FAT4: variants seen among roughly 807,000 people sequenced by gnomAD.
The protein encoded by FAT4 is protocadherin Fat 4.
In FAT4, 84 loss-of-function variants were observed where a neutral mutation model predicts 303.9. The ratio of observed to expected loss-of-function variants is 0.28; its 90% CI spans 0.23 to 0.33. The LOEUF (loss-of-function observed/expected upper bound fraction) is 0.33. Among genes scored for constraint, FAT4 ranks in the 10% least tolerant of loss-of-function variants. The pLI is 1.00. For missense variants in FAT4, 6,005 were observed against 6,146.8 expected, an observed-to-expected ratio of 0.98 and a Z score of 0.77; for synonymous variants, 2,307 against 2,298.8, an observed-to-expected ratio of 1.00 and a Z score of -0.10.
chr4:125,343,148 G>T (rs1172521800), intron 2 of FAT4, among the ~76,000 whole-genome samples: 1 of 151,934 alleles, frequency 6.6e-6, no homozygotes, highest in Non-Finnish European at 1.5e-5. Flanking sequence ...TTTTTATAAG[G>T]CCTCAATTTT....
At chr4:125,454,883 T>C (rs548304298) in intron 10 of FAT4, among the ~76,000 whole-genome samples, 2 of 152,152 alleles carry the variant, frequency 1.3e-5, no homozygotes, top group Admixed American at 6.6e-5. Flanking sequence ...TATTCAGTAA[T>C]TGCAGTCTAA....
chr4:125,354,750 A>G (rs1424903242), intron 2 of FAT4, among the ~76,000 whole-genome samples: 1 of 98,254 alleles, frequency 1.0e-5, no homozygotes, highest in African/African-American at 4.6e-5. Flanking sequence ...TCAGAGTTTA[A>G]TGAAAAAAAA....
At chr4:125,474,442 T>C (rs867066240) in intron 12 of FAT4, among the ~76,000 whole-genome samples, 1 of 137,532 alleles carries the variant, frequency 7.3e-6, no homozygotes, top group Non-Finnish European at 1.7e-5. Context: ...ATCATAACTA[T>C]CAAAAGAGTA....
chr4:125,321,013 C>T lies in FAT4; in HGVS notation c.4602C>T (p.Ala1534=), dbSNP rs1730917092. 6.2e-7 allele frequency: 1 copy of T among 1,614,006 alleles called. No individual in the cohort carries two copies. The highest frequency in any genetic ancestry group is 1.7e-5 in the Admixed American group (1 of 60,006). ...DNVPMFISQN[A]LAADPSAVIG... The stretch of plus-strand genomic sequence containing the variant: ...TCCCAATGTTTATATCACAAAACGC[C>T]CTTGCTGCAGACCCATCAGCTGTGA... Residue 1534 remains alanine, a synonymous_variant, in exon 2 of 18, where the codon GCC becomes GCT. Coordinates refer to ENST00000394329, the MANE Select transcript of FAT4 (RefSeq NM_001291303.3).
chr4:125,324,653 T>A (rs1160572658), intron 2 of FAT4, among the ~76,000 whole-genome samples: 1 of 152,132 alleles, frequency 6.6e-6, no homozygotes, highest in East Asian at 1.9e-4. Flanking sequence ...GAGCTTAGTG[T>A]TTAAATGGAA....
intron 2 of FAT4, among the ~76,000 whole-genome samples, chr4:125,364,464 G>A (rs758732429): frequency 4.6e-5 from 7 of 151,564 alleles, no homozygotes; most frequent in Non-Finnish European, 1.0e-4. Flanking sequence ...ATAAGCATAT[G>A]ATAAGGAGAA....
At chr4:125,482,882 C>T (rs1023913252) in intron 16 of FAT4, among the ~76,000 whole-genome samples, 1 of 152,092 alleles carries the variant, frequency 6.6e-6, no homozygotes, top group Non-Finnish European at 1.5e-5. Flanking sequence ...TATTTCTTAC[C>T]TTCTCAAATG....
chr4:125,388,832 G>A (rs764792381), intron 2 of FAT4, among the ~76,000 whole-genome samples: 1 of 152,094 alleles, frequency 6.6e-6, no homozygotes. Context: ...TAAGAATGGA[G>A]TTAACTATGT....
intron 3 of FAT4, among the ~76,000 whole-genome samples, chr4:125,401,423 T>C (rs1734383633): frequency 6.6e-6 from 1 of 152,038 alleles, no homozygotes; most frequent in South Asian, 2.1e-4. Flanking sequence ...AAATTTTCTC[T>C]CTTTTCAAAT....
chr4:125,447,965 G>A (rs951550783), intron 9 of FAT4, among the ~76,000 whole-genome samples: 2 of 151,860 alleles, frequency 1.3e-5, no homozygotes, highest in African/African-American at 4.8e-5. Flanking sequence ...TAAAACAGTG[G>A]GGACAAGGAA....
Position 125,466,777 on chromosome 4 carries a change from CT to C in FAT4, c.11906-1720del, listed in dbSNP as rs759985717. ...AAAAATTAAAAATTATGTATAATTT[CT>C]TTTTTTTTTTTTTTGAGACGGAGTC... On this transcript the variant is annotated intron_variant, in intron 11 of 17. Coordinates refer to ENST00000394329, the MANE Select transcript of FAT4 (RefSeq NM_001291303.3). 9.3e-3 allele frequency among the ~76,000 whole-genome samples: 1,296 copies of C among 139,550 alleles called. 12 individuals are homozygous for C. The highest frequency in any genetic ancestry group is 0.03 in the African/African-American group (1,136 of 38,324). The allele number at this position is 139,550 out of a possible 152,430, so 91.6% of individuals were successfully genotyped here. A position where few individuals can be genotyped will look rare whatever the true frequency, so the allele number is the denominator to read the frequency against.
chr4:125,487,514 T>C lies in FAT4; in HGVS notation c.12992T>C (p.Ile4331Thr). The change falls in exon 17 of 18, where the codon ATC (isoleucine) becomes ACC (threonine). Residue 4331 changes from isoleucine to threonine, a missense_variant. By Grantham distance (89) the Ile-to-Thr change is moderately conservative. Coordinates refer to ENST00000394329, the MANE Select transcript of FAT4 (RefSeq NM_001291303.3). ...SVDRIYNRDI[I>T]HPTQDFGGLD... ...GACAGAATATATAACAGAGATATTATCCACCCTACTCAGGACTTCGGTGGC... is the reference window on the plus strand; with the variant it reads ...GACAGAATATATAACAGAGATATTACCCACCCTACTCAGGACTTCGGTGGC... 1 of 1,614,000 alleles carries C rather than the reference T, an allele frequency of 6.2e-7. No individual in the cohort carries two copies. The highest frequency in any genetic ancestry group is 8.5e-7 in the Non-Finnish European group (1 of 1,179,932).
chr4:125,351,469 CTG>C (rs1445791223), intron 2 of FAT4, among the ~76,000 whole-genome samples: 1 of 151,838 alleles, frequency 6.6e-6, no homozygotes, highest in East Asian at 1.9e-4. Context: ...TTATCCTCTG[CTG>C]TCTCTTAAGA....
intron 2 of FAT4, among the ~76,000 whole-genome samples, chr4:125,331,286 A>C (rs1731371781): frequency 6.6e-6 from 1 of 152,168 alleles, no homozygotes; most frequent in African/African-American, 2.4e-5. Flanking sequence ...ATCATTGATA[A>C]GCTAAGGATT....
chr4:125,330,259 C>T (rs890843301), intron 2 of FAT4, among the ~76,000 whole-genome samples: 2 of 152,100 alleles, frequency 1.3e-5, no homozygotes, highest in Non-Finnish European at 1.5e-5. Context: ...GCTAAATCTT[C>T]CTTTAATAAC....
In FAT4 at chr4:125,320,205, G is replaced by A. The variant is rs750781952; in HGVS notation, c.3794G>A (p.Gly1265Asp). The stretch of plus-strand genomic sequence containing the variant: ...CAGTTTGCTATAGACAGTACCTCTG[G>A]TCAGGTAACACTAATTGGCAAATTA... Reference protein sequence around the residue: ...ERQFAIDSTSGQVTLIGKLDY... With the variant: ...ERQFAIDSTSDQVTLIGKLDY... Residue 1265 changes from glycine (G) to aspartate (D), a missense_variant, in exon 2 of 18, where the codon GGT becomes GAT. Coordinates refer to ENST00000394329, the MANE Select transcript of FAT4 (RefSeq NM_001291303.3). 6 of 1,613,650 alleles carry A rather than the reference G, an allele frequency of 3.7e-6. No homozygotes were observed. The South Asian group carries it at 5.5e-5, about 15-fold the overall frequency.
At chr4:125,348,007 G>T (rs1732070914) in intron 2 of FAT4, among the ~76,000 whole-genome samples, 1 of 151,682 alleles carries the variant, frequency 6.6e-6, no homozygotes, top group Admixed American at 6.6e-5. Flanking sequence ...AAATGAACTA[G>T]AAAAAATCAT....
chr4:125,489,834 TGTA>T, intron 17 of FAT4, 64 bp from the exon 18 acceptor site: 7 of 1,239,712 alleles, frequency 5.6e-6, no homozygotes, highest in Non-Finnish European at 7.7e-6. Flanking sequence ...AACCCAGCAG[TGTA>T]GTATAAGCTC....
At chr4:125,428,285 C>T (rs760631830) in intron 7 of FAT4, among the ~76,000 whole-genome samples, 3 of 151,782 alleles carry the variant, frequency 2.0e-5, no homozygotes, top group South Asian at 4.2e-4. Flanking sequence ...GCAACAAGAG[C>T]GAAACTCCGT....
Sources: allele counts gnomAD v4.1 joint callset (sites outside exome capture counted in the v4.1 genomes callset), GRCh38; gene constraint gnomAD v4.1.1; transcripts MANE v1.5; gene names NCBI Gene and HGNC (gene_info 2026-07-23, HGNC 2026-07-21).